The following LHPP variants were observed in gnomAD, a reference collection of about 807,000 sequenced individuals.
LHPP encodes hLHPP.
Under a neutral mutation model 30.3 loss-of-function variants are expected in LHPP, and 24 were observed. That is an observed-to-expected ratio of 0.79 (90% CI 0.57 to 1.11). The LOEUF (loss-of-function observed/expected upper bound fraction) is 1.11, where lower values mean the gene tolerates loss of function less well. LHPP is among the 50% of genes most tolerant of loss of function. The pLI is 0.00. For synonymous variants in LHPP, 150 were observed against 157.1 expected (o/e 0.95, Z 0.34); for missense variants, 356 against 367.2 (o/e 0.97, Z 0.25).
intron 6 of LHPP, among the ~76,000 whole-genome samples, chr10:124,603,619 T>G (rs1447027278): frequency 6.6e-6 from 1 of 152,124 alleles, no homozygotes; most frequent in Non-Finnish European, 1.5e-5. Context: ...CCTGTATGTG[T>G]GAGCAGGTTG....
At chr10:124,612,736 G>C (rs536211787) in intron 6 of LHPP, 2 of 153,904 alleles carry the variant, frequency 1.3e-5, no homozygotes, top group Non-Finnish European at 2.9e-5. Context: ...TTGGGTGGGC[G>C]TGGCCTCAGA....
chr10:124,529,683 G>A (rs926632897), intron 6 of LHPP, among the ~76,000 whole-genome samples: 5 of 152,268 alleles, frequency 3.3e-5, no homozygotes, highest in Admixed American at 2.0e-4. Flanking sequence ...GGGGGAGGAC[G>A]AGGGGCCACG....
chr10:124,472,680 C>T (rs1952820787), intron 1 of LHPP, among the ~76,000 whole-genome samples: 1 of 151,996 alleles, frequency 6.6e-6, no homozygotes, highest in South Asian at 2.1e-4. Context: ...TCCTCAGCCT[C>T]CTGAGTAGCT....
rs1274361823 is a variant in LHPP at position 124,478,608 on chromosome 10, T to C, written c.126-5531T>C. ...GTTTTCATTATTTGCGGGTGAGCGC[T>C]CCTGGCAGATGCCAACAGCCAGCAG... On this transcript the variant is annotated intron_variant, in intron 1 of 6. Coordinates refer to ENST00000368842, the MANE Select transcript of LHPP (RefSeq NM_022126.4). This position sits in a 1 kb window ranked among gnomAD's most constrained non-coding sequence, Gnocchi z 4.7. Among the ~76,000 whole-genome samples the C allele has an allele frequency of 6.6e-6, 1 of 152,222 alleles. No individual in the cohort carries two copies. Among genetic ancestry groups the C allele is most frequent in the East Asian group, 1.9e-4 (1 of 5,182 alleles).
At chr10:124,464,625 G>C (rs754857270) in intron 1 of LHPP, among the ~76,000 whole-genome samples, 15 of 152,182 alleles carry the variant, frequency 9.9e-5, no homozygotes, top group African/African-American at 1.2e-4. Context: ...GACTAGCTCA[G>C]TCACAGATGA....
In LHPP at chr10:124,592,190, C is replaced by T. The variant is rs114826744; in HGVS notation, c.717-21074C>T. On this transcript the variant is annotated intron_variant, in intron 6 of 6. Transcript: ENST00000368842. This position sits in a 1 kb window ranked among gnomAD's most constrained non-coding sequence, Gnocchi z 6.2. ...GCCTGTGACTAGGTGAGGGACAGTGCGGGGTGGCCTGCCTGCATATGCCAG... is the reference window on the plus strand; with the variant it reads ...GCCTGTGACTAGGTGAGGGACAGTGTGGGGTGGCCTGCCTGCATATGCCAG... Among the ~76,000 whole-genome samples, 2,179 of 152,242 alleles carry T rather than the reference C, an allele frequency of 0.014. 30 individuals carry two copies. Among genetic ancestry groups the T allele is most frequent in the African/African-American group, 0.037 (1,548 of 41,534 alleles).
In LHPP at chr10:124,481,024, CTCAG is replaced by C. The variant is rs374219005; in HGVS notation, c.126-3103_126-3100del. 9.7e-3 allele frequency among the ~76,000 whole-genome samples: 1,479 copies of C among 152,296 alleles called. 87 individuals carry two copies. Among genetic ancestry groups the C allele is most frequent in the Admixed American group, 0.09 (1,376 of 15,290 alleles). On this transcript the variant is annotated intron_variant, in intron 1 of 6. Coordinates refer to ENST00000368842, the MANE Select transcript of LHPP (RefSeq NM_022126.4). Reference sequence around the variant, plus strand: ...GTAGTGGGTGAGGTCATTTAGACTTCTCAGTCAGTCAGTCATTCAGCAAATGTTA... The same window carrying C: ...GTAGTGGGTGAGGTCATTTAGACTTCTCAGTCAGTCATTCAGCAAATGTTA...
chr10:124,487,393 C>G (rs1316451), intron 2 of LHPP, among the ~76,000 whole-genome samples: 56,748 of 151,472 alleles, frequency 0.37, 11,527 homozygotes, highest in East Asian at 0.61. Context: ...TCTCACCATT[C>G]TGGTGGGTAT....
intron 5 of LHPP, among the ~76,000 whole-genome samples, chr10:124,512,270 G>C (rs1210393973): frequency 6.6e-6 from 1 of 152,170 alleles, no homozygotes; most frequent in South Asian, 2.1e-4. Flanking sequence ...CTCTGATGTG[G>C]TGAGATAGGG....
At chr10:124,548,729 G>A (rs1431652667) in intron 6 of LHPP, among the ~76,000 whole-genome samples, 1 of 152,242 alleles carries the variant, frequency 6.6e-6, no homozygotes, top group Admixed American at 6.5e-5. Flanking sequence ...GCGGGCAGGT[G>A]GATCTTCGAG....
At chr10:124,468,771 C>T (rs946302051) in intron 1 of LHPP, among the ~76,000 whole-genome samples, 2 of 152,320 alleles carry the variant, frequency 1.3e-5, no homozygotes, top group South Asian at 2.1e-4. Context: ...AAGGGCAAGG[C>T]CCCTCCACTC....
At chr10:124,542,249 C>G (rs1048263156) in intron 6 of LHPP, among the ~76,000 whole-genome samples, 1 of 152,184 alleles carries the variant, frequency 6.6e-6, no homozygotes, top group African/African-American at 2.4e-5. Context: ...CGGACTGTGA[C>G]CCCAGGCTGT....
chr10:124,475,030 C>CCTTTTTTTTTTTTTT (rs138926526), intron 1 of LHPP, among the ~76,000 whole-genome samples: 1 of 98,656 alleles, frequency 1.0e-5, no homozygotes, highest in African/African-American at 3.9e-5. Flanking sequence ...CTTCTCATGT[C>CCTTTTTTTTTTTTTT]TTTTTTTTTT....
At chr10:124,524,641 C>T (rs191346697) in intron 6 of LHPP, among the ~76,000 whole-genome samples, 3 of 152,190 alleles carry the variant, frequency 2.0e-5, no homozygotes, top group East Asian at 1.9e-4. Flanking sequence ...TGAGACCAGC[C>T]TGGGCAACAT....
intron 6 of LHPP, among the ~76,000 whole-genome samples, chr10:124,536,531 C>G (rs1162324448): frequency 6.6e-6 from 1 of 152,160 alleles, no homozygotes; most frequent in Non-Finnish European, 1.5e-5. Flanking sequence ...GCTTTGGGCT[C>G]CAGGGAGGCC....
At chr10:124,563,917 A>G (rs2186253) in intron 6 of LHPP, among the ~76,000 whole-genome samples, 132,610 of 152,006 alleles carry the variant, frequency 0.87, 57,932 homozygotes, top group East Asian at 0.99. Flanking sequence ...GGCAGTGGGG[A>G]GTTGGAATGG....
At chr10:124,556,299 A>G (rs1181724334) in intron 6 of LHPP, among the ~76,000 whole-genome samples, 1 of 152,096 alleles carries the variant, frequency 6.6e-6, no homozygotes, top group Non-Finnish European at 1.5e-5. Flanking sequence ...CTGTTTTGGG[A>G]CATCTCTTCC....
chr10:124,606,207 C>T (rs1949090716), intron 6 of LHPP, among the ~76,000 whole-genome samples: 1 of 152,062 alleles, frequency 6.6e-6, no homozygotes, highest in African/African-American at 2.4e-5. Context: ...CCAGCCAGGC[C>T]CCGAGGGCCA....
At chr10:124,553,449 CTTTTTTTTTTTTTTTTTTT>C (rs35840555) in intron 6 of LHPP, among the ~76,000 whole-genome samples, 1 of 61,616 alleles carries the variant, frequency 1.6e-5, no homozygotes, top group Admixed American at 2.7e-4. Context: ...TACAGCCATT[CTTTTTTTTTTTTTTTTTTT>C]TTTTTTTTGA....
Sources: gnomAD v4.1 joint callset for allele counts (sites outside exome capture counted in the v4.1 genomes callset) on GRCh38, gnomAD v4.1.1 for gene constraint, Gnocchi (gnomAD v3.1) non-coding constraint, MANE v1.5 for transcripts, NCBI Gene and HGNC (gene_info 2026-07-23, HGNC 2026-07-21) for gene names.